Variants in NSD1 observed in about 807,000 individuals in gnomAD.
NSD1 encodes the protein histone-lysine N-methyltransferase, H3 lysine-36 specific.
In NSD1, 26 loss-of-function variants were observed where a neutral mutation model predicts 242.7. The ratio of observed to expected loss-of-function variants is 0.11; its 90% confidence interval spans 0.08 to 0.15. The LOEUF (loss-of-function observed/expected upper bound fraction) is 0.15. NSD1 is among the 10% of genes least tolerant of loss of function. The pLI is 1.00. For synonymous variants in NSD1, 1,106 were observed against 1,178.1 expected (o/e 0.94, Z 1.25); for missense variants, 2,495 against 3,272.8 (o/e 0.76, Z 5.80).
At position 177,246,728 on chromosome 5, in the gene NSD1, G is replaced by T. The variant is rs752236403; in HGVS notation, c.4429G>T (p.Ala1477Ser). Residue 1477 changes from alanine (A) to serine (S), a missense_variant, in exon 10 of 23, where the codon GCT becomes TCT. By Grantham distance (99) the Ala-to-Ser change is moderately conservative. Around this residue, in one of 19 missense-constraint regions of NSD1, gnomAD observed 97 missense variants for 97.7 expected, o/e 0.99. Transcript: ENST00000439151. ...AAGGAAGCGAAAACGACAGAGGCAT[G>T]CTGCAGCCAAGATGCAGTGTAAAAA... ...KPRKRKRQRH[A>S]AAKMQCKKVK... 6.2e-7 allele frequency: 1 copy of T among 1,614,158 alleles called. No homozygotes were observed. Among genetic ancestry groups the T allele is most frequent in the Non-Finnish European group, 8.5e-7 (1 of 1,180,008 alleles).
intron 3 of NSD1, among the ~76,000 whole-genome samples, chr5:177,200,028 A>G (rs897868038): frequency 3.9e-5 from 6 of 151,982 alleles, no homozygotes; most frequent in Admixed American, 3.3e-4. Context: ...ATTGGTTCTG[A>G]TTTTTCCCAT....
In NSD1 at chr5:177,294,114, A is replaced by G. The variant is rs1760078849; in HGVS notation, c.6746A>G (p.Lys2249Arg). 2 of 1,613,916 alleles carry G rather than the reference A, an allele frequency of 1.2e-6. No homozygotes were observed. Among genetic ancestry groups the G allele is most frequent in the African/African-American group, 1.3e-5 (1 of 74,872 alleles). Residue 2249 changes from lysine to arginine, a missense_variant, in exon 23 of 23, where the codon AAA becomes AGA. Physicochemically the swap from Lys to Arg is conservative, Grantham distance 26. This residue lies in a region of NSD1 where 475 missense variants were observed against 563.7 expected (regional missense o/e 0.84). Transcript: ENST00000439151. ...ACAGGAATGGCTGCTCAGGCACCCA[A>G]AATGTCAGATAAACCTCCTGCTGAC... is the stretch of plus-strand genomic sequence containing the variant. Reference protein sequence around the residue: ...QSTGMAAQAPKMSDKPPADTN... With the variant: ...QSTGMAAQAPRMSDKPPADTN...
At chr5:177,161,732 C>T (rs1758773075) in intron 2 of NSD1, among the ~76,000 whole-genome samples, 1 of 144,224 alleles carries the variant, frequency 6.9e-6, no homozygotes, top group Non-Finnish European at 1.5e-5. Flanking sequence ...GCCTGGAGTG[C>T]TGTGGCATGA....
rs144021261 is a variant in NSD1, at chr5:177,217,769, G to A, written c.3796+5574G>A. On this transcript the variant is annotated intron_variant, in intron 5 of 22. Transcript: ENST00000439151. ...TGCAACCTCCACCTCCCTCGTTCAA[G>A]CCATTCTCCTGCCTCAGGCTCCTGA... Among the ~76,000 whole-genome samples the A allele has an allele frequency of 7.0e-3, 1,052 of 149,624 alleles. 17 individuals are homozygous for A. Among genetic ancestry groups the A allele is most frequent in the African/African-American group, 0.025 (1,008 of 40,378 alleles).
At chr5:177,270,324 C>T (rs1260071639) in intron 16 of NSD1, among the ~76,000 whole-genome samples, 3 of 152,206 alleles carry the variant, frequency 2.0e-5, no homozygotes, top group African/African-American at 7.2e-5. Context: ...CTGTTATAAG[C>T]AGAACTAGTT....
intron 2 of NSD1, among the ~76,000 whole-genome samples, chr5:177,178,486 A>G (rs1760391735): frequency 6.6e-6 from 1 of 152,234 alleles, no homozygotes; most frequent in South Asian, 2.1e-4. Context: ...TCGGCCTGCC[A>G]AAGTGTTGGG....
chr5:177,237,267 C>A (rs1160533272), intron 6 of NSD1, among the ~76,000 whole-genome samples: 2 of 152,066 alleles, frequency 1.3e-5, no homozygotes, highest in Admixed American at 1.3e-4. Flanking sequence ...CTGATAGTCT[C>A]TTTCATTAAT....
chr5:177,164,488 T>G (rs985449552), intron 2 of NSD1, among the ~76,000 whole-genome samples: 1 of 152,142 alleles, frequency 6.6e-6, no homozygotes, highest in Non-Finnish European at 1.5e-5. Flanking sequence ...GTATGAGGAT[T>G]TATTTCCTTG....
chr5:177,195,302 A>G (rs1762022238), intron 3 of NSD1, among the ~76,000 whole-genome samples: 1 of 152,102 alleles, frequency 6.6e-6, no homozygotes, highest in Non-Finnish European at 1.5e-5. Context: ...TGGCAATACA[A>G]TGAGACACTT....
At chr5:177,159,268 T>G (rs1758529846) in intron 2 of NSD1, among the ~76,000 whole-genome samples, 1 of 151,312 alleles carries the variant, frequency 6.6e-6, no homozygotes, top group South Asian at 2.1e-4. Flanking sequence ...CCCTTTTTCT[T>G]TCCAGTTTTT....
intron 5 of NSD1, among the ~76,000 whole-genome samples, chr5:177,226,605 C>T (rs564620663): frequency 6.6e-6 from 1 of 152,288 alleles, no homozygotes; most frequent in African/African-American, 2.4e-5. Flanking sequence ...CAGCCGTGTA[C>T]TACCATGCCC....
At chr5:177,257,467 G>A (rs918169718) in intron 13 of NSD1, among the ~76,000 whole-genome samples, 8 of 152,002 alleles carry the variant, frequency 5.3e-5, no homozygotes, top group Admixed American at 1.3e-4. Flanking sequence ...TCCTGACCTC[G>A]TGATCCACCT....
chr5:177,255,791 C>T (rs1360344253), intron 12 of NSD1, among the ~76,000 whole-genome samples: 2 of 151,926 alleles, frequency 1.3e-5, no homozygotes, highest in Non-Finnish European at 2.9e-5. Context: ...CACTATGTTC[C>T]CCAGGCTAGG....
At chr5:177,218,759 C>T (rs1267135021) in intron 5 of NSD1, among the ~76,000 whole-genome samples, 9 of 151,442 alleles carry the variant, frequency 5.9e-5, no homozygotes, top group Admixed American at 5.9e-4. Context: ...TTTTAGTAGA[C>T]AGGGTTTCAC....
At chr5:177,164,466 A>G (rs1027032046) in intron 2 of NSD1, among the ~76,000 whole-genome samples, 1 of 151,998 alleles carries the variant, frequency 6.6e-6, no homozygotes, top group Admixed American at 6.6e-5. Flanking sequence ...CTCAAAATGT[A>G]ACGTCTGTCT....
intron 5 of NSD1, among the ~76,000 whole-genome samples, chr5:177,231,742 A>G (rs182331511): frequency 1.6e-3 from 245 of 152,108 alleles, no homozygotes; most frequent in Admixed American, 3.5e-3. Context: ...TTTTTAAAGG[A>G]CGTACCCAAA....
At chr5:177,205,616 A>G (rs1762811250) in intron 4 of NSD1, among the ~76,000 whole-genome samples, 1 of 151,916 alleles carries the variant, frequency 6.6e-6, no homozygotes, top group South Asian at 2.1e-4. Flanking sequence ...ATGGTGTGCA[A>G]ACATCTCATA....
rs1757790017 is a variant in NSD1, at chr5:177,269,530, A to G, written c.5304-72A>G. The G allele has an allele frequency of 1.5e-6, 2 of 1,333,452 alleles. No individual in the cohort carries two copies. The highest frequency in any genetic ancestry group is 2.1e-6 in the Non-Finnish European group (2 of 932,022). The allele number at this position is 1,333,452 out of a possible 1,614,324, so 82.6% of individuals were successfully genotyped here. A position where few individuals can be genotyped will look rare whatever the true frequency, so the allele number is the denominator to read the frequency against. Reference sequence around the variant, plus strand: ...ACAGACATTGCTAATCCTTACTTTTATATGAGTAGGTTATTTTCCTAATGC... The same window carrying G: ...ACAGACATTGCTAATCCTTACTTTTGTATGAGTAGGTTATTTTCCTAATGC... On this transcript the variant is annotated intron_variant, in intron 15 of 22. Transcript: ENST00000439151. The surrounding 1 kb of genome is among the most constrained non-coding windows in gnomAD (Gnocchi z 5.1).
chr5:177,167,189 T>G (rs909188450), intron 2 of NSD1, among the ~76,000 whole-genome samples: 7 of 152,136 alleles, frequency 4.6e-5, no homozygotes, highest in Non-Finnish European at 1.0e-4. Context: ...TTTTTAACAT[T>G]CCTTTGAAAT....
Sources: gnomAD v4.1 joint callset for allele counts (sites outside exome capture counted in the v4.1 genomes callset) on GRCh38, gnomAD v4.1.1 for gene constraint, gnomAD v4.1.1 regional missense constraint, Gnocchi (gnomAD v3.1) non-coding constraint, MANE v1.5 for transcripts, NCBI Gene and HGNC (gene_info 2026-07-23, HGNC 2026-07-21) for gene names.